Variants in ZZEF1 observed in about 807,000 individuals in gnomAD.
ZZEF1 encodes the protein zinc finger ZZ-type and EF-hand domain-containing protein 1.
Under a neutral mutation model 342.8 loss-of-function variants are expected in ZZEF1, and 157 were observed. That is an observed-to-expected ratio of 0.46 (90% CI 0.40 to 0.52). ZZEF1 has a LOEUF of 0.52. Ranked by LOEUF, ZZEF1 falls within the 20% of genes least tolerant of loss-of-function variation. ZZEF1 has a pLI of 0.00. For missense variants in ZZEF1, 3,480 were observed against 3,725.6 expected, an observed-to-expected ratio of 0.93 and a Z score of 1.72; for synonymous variants, 1,505 against 1,429.1, an observed-to-expected ratio of 1.05 and a Z score of -1.20.
chr17:4,076,579 T>G, intron 21 of ZZEF1, 58 bp downstream of exon 21: 1 of 1,571,048 alleles, frequency 6.4e-7, no homozygotes, highest in African/African-American at 1.3e-5. Flanking sequence ...CTTCACTAAG[T>G]GTGTCCCATC....
intron 1 of ZZEF1, among the ~76,000 whole-genome samples, chr17:4,131,162 A>G (rs7219998): frequency 0.15 from 23,536 of 152,062 alleles, 2,006 homozygotes; most frequent in African/African-American, 0.22. Flanking sequence ...ACGAAGAAAT[A>G]TGCCAAGACA....
chr17:4,095,714 C>T, intron 11 of ZZEF1, 117 bp downstream of exon 11: 3 of 1,106,448 alleles, frequency 2.7e-6, no homozygotes, highest in East Asian at 5.1e-5. Flanking sequence ...ATTAGTGGCG[C>T]CTTTTCTATA....
rs1230053433 is a variant in ZZEF1, at chr17:4,013,552, T to C, written c.8476A>G (p.Lys2826Glu). ...ACGCCCACCAGCCATTCCCAAATTT[T>C]TGCCAATGGGAGATGAGGCACGACC... ...ERVVPHLPLA[K>E]IWEWLVGVAC... is the part of the protein sequence containing the mutation. Residue 2826 changes from lysine (K) to glutamate (E), a missense_variant, in exon 52 of 55, where the codon AAA (lysine) becomes GAA (glutamate). Around this residue, in one of 5 missense-constraint regions of ZZEF1, gnomAD observed 1,269 missense variants for 1,342.4 expected, o/e 0.95. Transcript: ENST00000381638. 6.2e-7 allele frequency: 1 copy of C among 1,614,126 alleles called. No homozygotes were observed. Among genetic ancestry groups the C allele is most frequent in the Admixed American group, 1.7e-5 (1 of 60,018 alleles).
chr17:4,112,817 C>A lies in ZZEF1; in HGVS notation c.867-9G>T, dbSNP rs1490036723. On this transcript the variant is annotated splice_polypyrimidine_tract_variant and intron_variant, in intron 4 of 54. Coordinates refer to ENST00000381638, the MANE Select transcript of ZZEF1 (RefSeq NM_015113.4). ...CTGGCTTCATTTTTAAACTGGAAAA[C>A]ACAAAAAGCAGAAATTACAAATGTT... The A allele has an allele frequency of 6.5e-7, 1 of 1,545,112 alleles. No individual in the cohort carries two copies. The highest frequency in any genetic ancestry group is 1.2e-5 in the South Asian group (1 of 80,196).
Position 4,078,058 on chromosome 17 carries a change from C to G in ZZEF1, c.2830-16G>C, listed in dbSNP as rs1437958039. ...ACAGCTCGCACTACAAGGGAGGAGA[C>G]AAACAGAAAGTGTTCGTGACAAGGC... On this transcript the variant is annotated splice_polypyrimidine_tract_variant and intron_variant, in intron 18 of 54. Coordinates refer to ENST00000381638, the MANE Select transcript of ZZEF1 (RefSeq NM_015113.4). 1.9e-6 allele frequency: 3 copies of G among 1,607,770 alleles called. No individual in the cohort carries two copies. The highest frequency in any genetic ancestry group is 3.3e-5 in the Admixed American group (2 of 59,722).
At chr17:4,111,010 G>A (rs1485645014) in intron 5 of ZZEF1, among the ~76,000 whole-genome samples, 1 of 152,140 alleles carries the variant, frequency 6.6e-6, no homozygotes, top group African/African-American at 2.4e-5. Context: ...ACTGCACCCA[G>A]CCAATTACGG....
Position 4,064,575 on chromosome 17 carries a change from C to T in ZZEF1, c.4504G>A (p.Gly1502Ser). The stretch of plus-strand genomic sequence containing the variant: ...GGGGACACGTCTGCAGCAGGAAGGC[C>T]ACTGCTGGATGGCAGCTTTGGCTGG... ...GTQPKLPSSS[G>S]LPAADVSPAT... The change falls in exon 29 of 55, where the codon GGC becomes AGC. Residue 1502 changes from glycine (G) to serine (S), a missense_variant. By Grantham distance (56) the Gly-to-Ser change is moderately conservative (BLOSUM62 0). Transcript: ENST00000381638. The T allele has an allele frequency of 6.2e-7, 1 of 1,614,158 alleles. No individual in the cohort carries two copies. The highest frequency in any genetic ancestry group is 8.5e-7 in the Non-Finnish European group (1 of 1,180,036).
chr17:4,020,155 G>T, intron 45 of ZZEF1: 1 of 170,940 alleles, frequency 5.9e-6, no homozygotes, highest in Non-Finnish European at 1.2e-5. Context: ...TTTGACACAG[G>T]GTCTCACTTG....
intron 9 of ZZEF1, 100 bp from the exon 10 acceptor site, chr17:4,096,800 G>T: frequency 5.4e-6 from 5 of 927,980 alleles, no homozygotes; most frequent in Admixed American, 2.0e-5. Context: ...GTCATGGGGG[G>T]TAACTGGTCT....
chr17:4,006,557 G>A lies in ZZEF1; in HGVS notation c.*333C>T. On this transcript the variant is annotated 3_prime_UTR_variant, in exon 55 of 55. Transcript: ENST00000381638. ...CTCCACGGAGACAGAAACCAGTTGA[G>A]AGAGGCCGCTTCCAAGTCTTCCCAG... The A allele has an allele frequency of 2.8e-6, 1 of 355,954 alleles. No homozygotes were observed. The highest frequency in any genetic ancestry group is 2.5e-5 in the South Asian group (1 of 39,706). The allele number at this position is 355,954 out of a possible 1,614,324, so 22.0% of individuals were successfully genotyped here. A position where few individuals can be genotyped will look rare whatever the true frequency, so the allele number is the denominator to read the frequency against.
chr17:4,023,274 A>G (rs2056317420), intron 43 of ZZEF1, among the ~76,000 whole-genome samples: 1 of 152,138 alleles, frequency 6.6e-6, no homozygotes, highest in South Asian at 2.1e-4. Flanking sequence ...TTTGACCCAC[A>G]GCAGTTTTTC....
chr17:4,121,831 TC>T (rs1340956128), intron 2 of ZZEF1, among the ~76,000 whole-genome samples: 1 of 151,584 alleles, frequency 6.6e-6, no homozygotes, highest in Non-Finnish European at 1.5e-5. Flanking sequence ...CAAGCAATCC[TC>T]CTGCCTCAGT....
chr17:4,124,536 G>A lies in ZZEF1; in HGVS notation c.355-485C>T, dbSNP rs185663717. ...CAGGTCAGTGCAACCTCCGCCTCCC[G>A]GGTTCAAGTGATTCTCCTGCCTCAG... is the stretch of plus-strand genomic sequence containing the variant. On this transcript the variant is annotated intron_variant, in intron 1 of 54. Coordinates refer to ENST00000381638, the MANE Select transcript of ZZEF1 (RefSeq NM_015113.4). Among the ~76,000 whole-genome samples, 74 of 152,024 alleles carry A rather than the reference G, an allele frequency of 4.9e-4. No homozygotes were observed. In the East Asian group the frequency reaches 9.1e-3, roughly 19 times the overall value.
chr17:4,028,805 C>T (rs973286993), intron 42 of ZZEF1, among the ~76,000 whole-genome samples: 29 of 152,072 alleles, frequency 1.9e-4, no homozygotes, highest in African/African-American at 6.8e-4. Context: ...TATGAACAGC[C>T]AACTATAAGG....
intron 7 of ZZEF1, among the ~76,000 whole-genome samples, 164 bp downstream of exon 7, chr17:4,105,525 AGTGG>A (rs2058196655): frequency 7.2e-5 from 11 of 152,224 alleles, no homozygotes; most frequent in Non-Finnish European, 1.5e-4. Context: ...ACTGCTAAAT[AGTGG>A]ACTTTAGATG....
At chr17:4,082,389 T>C in intron 17 of ZZEF1, 48 bp downstream of exon 17, 2 of 1,591,238 alleles carry the variant, frequency 1.3e-6, no homozygotes, top group African/African-American at 1.3e-5. Context: ...GAAAACAACT[T>C]TGCAAAGATT....
At chr17:4,112,914 T>C in intron 4 of ZZEF1, 106 bp from the exon 5 acceptor site, 1 of 1,031,654 alleles carries the variant, frequency 9.7e-7, no homozygotes, top group Non-Finnish European at 1.3e-6. Flanking sequence ...ATCCAAAGAC[T>C]GGTTTTCCTA....
intron 24 of ZZEF1, among the ~76,000 whole-genome samples, chr17:4,073,298 T>C (rs939373343): frequency 6.6e-6 from 1 of 152,234 alleles, no homozygotes; most frequent in South Asian, 2.1e-4. Context: ...TTCCACTATG[T>C]AATTTTTCTA....
rs12947597 is a variant in ZZEF1, at chr17:4,095,905, C to T, written c.1839G>A (p.Ala613=). Residue 613 remains alanine (A), a synonymous_variant, in exon 11 of 55, where the codon GCG becomes GCA. Transcript: ENST00000381638. ...AYNSSSDKFC[A]EEHFKRFEKY... is the part of the protein sequence containing the mutation. ...TTTCAAACCTTTTGAAGTGTTCTTCCGCACAAAATTTATCTGAAGATGAGT... is the reference window on the plus strand; with the variant it reads ...TTTCAAACCTTTTGAAGTGTTCTTCTGCACAAAATTTATCTGAAGATGAGT... The T allele has an allele frequency of 0.17, 270,959 of 1,611,896 alleles. 23,459 individuals are homozygous for T. The highest frequency in any genetic ancestry group is 0.22 in the East Asian group (9,893 of 44,838).
Sources: gnomAD v4.1 joint callset for allele counts (sites outside exome capture counted in the v4.1 genomes callset) on GRCh38, gnomAD v4.1.1 for gene constraint, gnomAD v4.1.1 regional missense constraint, MANE v1.5 for transcripts, NCBI Gene and HGNC (gene_info 2026-07-23, HGNC 2026-07-21) for gene names.